Variants in AMPH observed in about 807,000 individuals in gnomAD.
AMPH encodes amphiphysin, also known as amphiphysin (Stiff-Mann syndrome with breast cancer 128kD autoantigen).
AMPH carries 49 observed loss-of-function variants against 99.1 expected under a neutral mutation model. The ratio of observed to expected loss-of-function variants is 0.49; its 90% CI spans 0.39 to 0.63. The LOEUF (loss-of-function observed/expected upper bound fraction) is 0.63. Among genes scored for constraint, AMPH ranks in the 20% least tolerant of loss-of-function variants. AMPH has a pLI of 0.00. For synonymous variants in AMPH, 314 were observed against 317.3 expected, an observed-to-expected ratio of 0.99 and a Z score of 0.11; for missense variants, 759 against 863.4, an observed-to-expected ratio of 0.88 and a Z score of 1.52.
At chr7:38,593,158 C>T (rs1468688232) in intron 1 of AMPH, among the ~76,000 whole-genome samples, 1 of 152,138 alleles carries the variant, frequency 6.6e-6, no homozygotes, top group Non-Finnish European at 1.5e-5. Context: ...CTACATGATA[C>T]AAATGAAAGG....
At chr7:38,628,506 A>G (rs1794336194) in intron 1 of AMPH, among the ~76,000 whole-genome samples, 2 of 152,222 alleles carry the variant, frequency 1.3e-5, no homozygotes. Flanking sequence ...AATATTCAAA[A>G]GATAAGGCAT....
chr7:38,610,195 C>T (rs1584301732), intron 1 of AMPH, among the ~76,000 whole-genome samples: 3 of 132,566 alleles, frequency 2.3e-5, no homozygotes, highest in East Asian at 5.2e-4. Flanking sequence ...AAAATCGCAC[C>T]ATTGCACTCC....
At chr7:38,530,545 A>G in intron 2 of AMPH, among the ~76,000 whole-genome samples, 1 of 152,160 alleles carries the variant, frequency 6.6e-6, no homozygotes, top group East Asian at 1.9e-4. Flanking sequence ...TCCCACCTGC[A>G]CTCACTAAAA....
intron 1 of AMPH, among the ~76,000 whole-genome samples, chr7:38,557,798 C>A (rs943136597): frequency 9.2e-5 from 14 of 151,836 alleles, no homozygotes; most frequent in African/African-American, 3.4e-4. Flanking sequence ...AATAGTAATT[C>A]ATCCCAGCAC....
At chr7:38,413,690 TA>T (rs1047882010) in intron 17 of AMPH, among the ~76,000 whole-genome samples, 8 of 151,754 alleles carry the variant, frequency 5.3e-5, no homozygotes, top group African/African-American at 1.5e-4. Context: ...AAGGTTCTCA[TA>T]AAAAAAAGAA....
intron 20 of AMPH, among the ~76,000 whole-genome samples, 166 bp from the exon 21 acceptor site, chr7:38,385,091 AGTT>A: frequency 6.6e-6 from 1 of 151,524 alleles, no homozygotes; most frequent in African/African-American, 2.4e-5. Context: ...ATCCCAAATA[AGTT>A]GTTAGTTAAA....
Position 38,489,967 on chromosome 7 carries a change from C to T in AMPH, c.396+1083G>A, listed in dbSNP as rs185931481. Among the ~76,000 whole-genome samples the T allele has an allele frequency of 1.8e-4, 27 of 152,072 alleles. No homozygotes were observed. In the East Asian group the frequency reaches 5.0e-3, roughly 28 times the overall value. On this transcript the variant is annotated intron_variant, in intron 5 of 20. Coordinates refer to ENST00000356264, the MANE Select transcript of AMPH (RefSeq NM_001635.4). ...CATATGTTCTTACCGCAATAAAGTA[C>T]AAAATATAAATTAAATAAAATAATT...
At chr7:38,431,132 C>A (rs1293001837) in intron 13 of AMPH, among the ~76,000 whole-genome samples, 1 of 152,184 alleles carries the variant, frequency 6.6e-6, no homozygotes, top group Non-Finnish European at 1.5e-5. Flanking sequence ...AATGAGACCA[C>A]CACAAAGCTC....
intron 5 of AMPH, among the ~76,000 whole-genome samples, chr7:38,488,820 T>C (rs1468538920): frequency 2.0e-5 from 3 of 152,070 alleles, no homozygotes; most frequent in Non-Finnish European, 4.4e-5. Context: ...CTGAAAACTA[T>C]ACAATATTCA....
At chr7:38,557,869 C>T (rs1791420344) in intron 1 of AMPH, among the ~76,000 whole-genome samples, 1 of 151,922 alleles carries the variant, frequency 6.6e-6, no homozygotes, top group South Asian at 2.1e-4. Flanking sequence ...GCCTGGGTAA[C>T]ATAGCAAAAC....
rs1002810016 is a variant in AMPH, at chr7:38,494,405, G to A, written c.300+28C>T. ...GGTGGACTGAGCAAGGGTCGTGGGAGCCTCATGGAAGCCACCCCAGCTCTT... is the reference window on the plus strand; with the variant it reads ...GGTGGACTGAGCAAGGGTCGTGGGAACCTCATGGAAGCCACCCCAGCTCTT... On this transcript the variant is annotated intron_variant, in intron 4 of 20. Coordinates refer to ENST00000356264, the MANE Select transcript of AMPH (RefSeq NM_001635.4). 4 of 1,594,402 alleles carry A rather than the reference G, an allele frequency of 2.5e-6. No homozygotes were observed. In the African/African-American group the frequency reaches 5.4e-5, roughly 21 times the overall value.
intron 1 of AMPH, among the ~76,000 whole-genome samples, chr7:38,617,842 T>C (rs550155390): frequency 8.6e-5 from 5 of 58,378 alleles, no homozygotes; most frequent in East Asian, 6.2e-4. Context: ...CTCCTAACTA[T>C]GGAATGGAAA....
At chr7:38,466,386 C>T (rs1787654315) in intron 7 of AMPH, 138 bp from the exon 8 acceptor site, 1 of 694,520 alleles carries the variant, frequency 1.4e-6, no homozygotes, top group African/African-American at 1.9e-5. Context: ...AAATAAAATA[C>T]TGAACCCAAA....
chr7:38,519,585 TA>T (rs1203222555), intron 2 of AMPH, among the ~76,000 whole-genome samples: 1 of 152,240 alleles, frequency 6.6e-6, no homozygotes, highest in Non-Finnish European at 1.5e-5. Context: ...TAATTAAAAT[TA>T]TTTATTTTAT....
At chr7:38,613,651 T>C (rs1793762736) in intron 1 of AMPH, among the ~76,000 whole-genome samples, 1 of 152,132 alleles carries the variant, frequency 6.6e-6, no homozygotes, top group Non-Finnish European at 1.5e-5. Flanking sequence ...AGACAGTAGG[T>C]GCAAAATTCA....
chr7:38,570,634 T>C (rs546636288), intron 1 of AMPH, among the ~76,000 whole-genome samples: 63 of 151,904 alleles, frequency 4.1e-4, no homozygotes, highest in African/African-American at 1.5e-3. Context: ...ATGATAGTGA[T>C]AAAAAATGGC....
intron 1 of AMPH, among the ~76,000 whole-genome samples, chr7:38,600,889 C>T (rs770462152): frequency 2.7e-4 from 41 of 152,214 alleles, no homozygotes; most frequent in Non-Finnish European, 2.9e-5. Context: ...GTGACAGGTA[C>T]TACCACAAAC....
At chr7:38,559,650 C>T (rs1402124505) in intron 1 of AMPH, among the ~76,000 whole-genome samples, 1 of 152,208 alleles carries the variant, frequency 6.6e-6, no homozygotes, top group East Asian at 1.9e-4. Context: ...TTCACTTAAG[C>T]CTCACAAATA....
Position 38,432,213 on chromosome 7 carries a change from C to G in AMPH, c.1135-1G>C. 6.2e-7 allele frequency: 1 copy of G among 1,612,494 alleles called. No homozygotes were observed. Among genetic ancestry groups the G allele is most frequent in the Non-Finnish European group, 8.5e-7 (1 of 1,178,614 alleles). ...CCGTCCATAGGTCCCAGGGCAATGTCTGAAAGCAAATAAACAAAAATACTG... is the reference window on the plus strand; with the variant it reads ...CCGTCCATAGGTCCCAGGGCAATGTGTGAAAGCAAATAAACAAAAATACTG... On this transcript the variant is annotated splice_acceptor_variant, in intron 12 of 20. Coordinates refer to ENST00000356264, the MANE Select transcript of AMPH (RefSeq NM_001635.4). LOFTEE classifies it high-confidence loss of function.
Sources: gnomAD v4.1 joint callset for allele counts (sites outside exome capture counted in the v4.1 genomes callset) on GRCh38, gnomAD v4.1.1 for gene constraint, MANE v1.5 for transcripts, NCBI Gene and HGNC (gene_info 2026-07-23, HGNC 2026-07-21) for gene names.